Variants in RBM27 observed in about 807,000 individuals in gnomAD.
RBM27 encodes the protein RNA binding motif protein 27.
RBM27 carries 22 observed loss-of-function variants against 135.3 expected under a neutral mutation model. The observed-to-expected ratio is 0.16, with a 90% CI of 0.12 to 0.23. The LOEUF (loss-of-function observed/expected upper bound fraction) is 0.23. Ranked by LOEUF, RBM27 falls within the 10% of genes least tolerant of loss-of-function variation. The pLI, the probability that RBM27 is intolerant of heterozygous loss-of-function variation, is 1.00. For synonymous variants in RBM27, 481 were observed against 442.4 expected (o/e 1.09, Z -1.10); for missense variants, 1,009 against 1,281.0 (o/e 0.79, Z 3.24).
chr5:146,270,561 C>T (rs1581231277), intron 17 of RBM27, among the ~76,000 whole-genome samples: 1 of 152,154 alleles, frequency 6.6e-6, no homozygotes. Context: ...AGAATGTCAA[C>T]AGTTGTGGAT....
Position 146,203,806 on chromosome 5 carries a change from C to T in RBM27, c.41C>T (p.Ala14Val). Residue 14 changes from alanine to valine, a missense_variant, in exon 1 of 21, where the codon GCC (alanine) becomes GTC (valine). Around this residue, in one of 6 missense-constraint regions of RBM27, gnomAD observed 268 missense variants for 326.6 expected, o/e 0.82. Coordinates refer to ENST00000265271, the MANE Select transcript of RBM27 (RefSeq NM_018989.2). ...GTGGATGCCCTCAAGTCCTGGCTGG[C>T]CAAGTTACTGGAGCCGATGTGAGTG... ...EDVDALKSWL[A>V]KLLEPICDAD... The T allele has an allele frequency of 6.4e-7, 1 of 1,550,420 alleles. No individual in the cohort carries two copies. The highest frequency in any genetic ancestry group is 8.7e-7 in the Non-Finnish European group (1 of 1,146,572).
intron 14 of RBM27, among the ~76,000 whole-genome samples, chr5:146,267,270 C>T (rs980412558): frequency 3.3e-5 from 5 of 152,140 alleles, no homozygotes; most frequent in Admixed American, 6.6e-5. Context: ...GGTAAAGAAG[C>T]GGCAGTCATT....
intron 8 of RBM27, among the ~76,000 whole-genome samples, chr5:146,246,864 G>GT (rs1280123997): frequency 0.013 from 1,719 of 135,126 alleles, 13 homozygotes; most frequent in African/African-American, 0.016. Context: ...TAGTGCTGTG[G>GT]TTTTTTTTTT....
rs1554081335 is a variant in RBM27, at chr5:146,249,708, G to GT, written c.1280-2002dup. Among the ~76,000 whole-genome samples, 20 of 131,386 alleles carry GT rather than the reference G, an allele frequency of 1.5e-4. No homozygotes were observed. In the East Asian group the frequency reaches 4.0e-3, roughly 26 times the overall value. The allele number at this position is 131,386 out of a possible 152,430, so 86.2% of individuals were successfully genotyped here. A position where few individuals can be genotyped will look rare whatever the true frequency, so the allele number is the denominator to read the frequency against. ...CAAAAAAAAAAAAAAAAAAGAAAAA[G>GT]TAAAAAAAAAAGAAAAAAAGAAAAT... On this transcript the variant is annotated intron_variant, in intron 8 of 20. Transcript: ENST00000265271.
At chr5:146,210,000 G>A (rs760054905) in intron 1 of RBM27, among the ~76,000 whole-genome samples, 2 of 152,096 alleles carry the variant, frequency 1.3e-5, no homozygotes, top group Non-Finnish European at 2.9e-5. Flanking sequence ...TGTGTTTCTT[G>A]CCACTGTCTT....
In RBM27 at chr5:146,243,073, G is replaced by A. The variant is rs188444291; in HGVS notation, c.1279+5641G>A. Among the ~76,000 whole-genome samples, 479 of 151,942 alleles carry A rather than the reference G, an allele frequency of 3.2e-3. 4 individuals are homozygous for A. Among genetic ancestry groups the A allele is most frequent in the African/African-American group, 0.011 (456 of 41,470 alleles). On this transcript the variant is annotated intron_variant, in intron 8 of 20. Coordinates refer to ENST00000265271, the MANE Select transcript of RBM27 (RefSeq NM_018989.2). The stretch of plus-strand genomic sequence containing the variant: ...CTGAGGTCAGGAGTTTGAGACCAGC[G>A]TGGTCAACATGGTGAAATCGCATCT...
At chr5:146,226,115 G>A (rs1017584277) in intron 3 of RBM27, among the ~76,000 whole-genome samples, 2 of 148,684 alleles carry the variant, frequency 1.3e-5, no homozygotes, top group African/African-American at 5.0e-5. Context: ...TGACCTGTTT[G>A]CCTCGGCCTC....
intron 19 of RBM27, among the ~76,000 whole-genome samples, chr5:146,272,735 A>G (rs995532552): frequency 1.3e-5 from 2 of 152,106 alleles, no homozygotes; most frequent in African/African-American, 4.8e-5. Context: ...AAAAAAAAAA[A>G]AAGTATTAAA....
chr5:146,215,877 A>G (rs1043289123), intron 1 of RBM27, among the ~76,000 whole-genome samples: 3 of 151,702 alleles, frequency 2.0e-5, no homozygotes, highest in Non-Finnish European at 2.9e-5. Flanking sequence ...CAGTCTCCCA[A>G]GTAGCTGGGA....
chr5:146,241,057 A>G (rs1169020445), intron 8 of RBM27, among the ~76,000 whole-genome samples: 2 of 152,164 alleles, frequency 1.3e-5, no homozygotes, highest in Non-Finnish European at 2.9e-5. Context: ...TTGGACTTGT[A>G]AATATGAAAA....
chr5:146,217,220 G>A (rs1756241413), intron 1 of RBM27, among the ~76,000 whole-genome samples: 1 of 152,062 alleles, frequency 6.6e-6, no homozygotes, highest in Admixed American at 6.6e-5. Flanking sequence ...CCCCGCCTTG[G>A]CCTCCCAAAG....
intron 8 of RBM27, 133 bp downstream of exon 8, chr5:146,237,565 A>G (rs1757223477): frequency 9.3e-7 from 1 of 1,079,682 alleles, no homozygotes; most frequent in Non-Finnish European, 1.3e-6. Flanking sequence ...TTGTGTTTAC[A>G]ATACAGTTTA....
At chr5:146,234,914 G>A (rs1010373533) in intron 7 of RBM27, among the ~76,000 whole-genome samples, 3 of 151,826 alleles carry the variant, frequency 2.0e-5, no homozygotes, top group African/African-American at 4.8e-5. Context: ...TGTACCCATA[G>A]TTCCAGCTAC....
rs755022044 is a variant in RBM27 at position 146,269,232 on chromosome 5, T to C, written c.2477T>C (p.Met826Thr). The change falls in exon 16 of 21, where the codon ATG (methionine) becomes ACG (threonine). Residue 826 changes from methionine to threonine, a missense_variant. This residue lies in a region of RBM27 where 355 missense variants were observed against 427.3 expected (regional missense o/e 0.83). Coordinates refer to ENST00000265271, the MANE Select transcript of RBM27 (RefSeq NM_018989.2). ...GAAGCAATGAAGTTACAACAAGATA[T>C]GAGGAAAAAAAGACAGGAAGTGTTA... The part of the protein sequence containing the change: ...KQEAMKLQQD[M>T]RKKRQEVLEK... 5 of 1,607,516 alleles carry C rather than the reference T, an allele frequency of 3.1e-6. No individual in the cohort carries two copies. Among genetic ancestry groups the C allele is most frequent in the Non-Finnish European group, 4.3e-6 (5 of 1,176,112 alleles).
intron 19 of RBM27, among the ~76,000 whole-genome samples, chr5:146,272,141 A>G (rs1237197176): frequency 6.6e-5 from 10 of 152,260 alleles, no homozygotes; most frequent in Non-Finnish European, 1.5e-4. Flanking sequence ...TACTCTTTCC[A>G]GCCACTCATT....
chr5:146,267,623 GC>G, intron 14 of RBM27, 25 bp from the exon 15 acceptor site: 1 of 1,343,944 alleles, frequency 7.4e-7, no homozygotes, highest in Non-Finnish European at 1.0e-6. Context: ...ATTTGTGTGT[GC>G]TTTTTTTTTT....
intron 19 of RBM27, among the ~76,000 whole-genome samples, chr5:146,284,280 A>G (rs1300146296): frequency 6.6e-6 from 1 of 152,176 alleles, no homozygotes; most frequent in Non-Finnish European, 1.5e-5. Context: ...TAGATATCAA[A>G]GCCAAAGGTC....
intron 1 of RBM27, among the ~76,000 whole-genome samples, chr5:146,216,962 C>T (rs930747051): frequency 5.3e-5 from 8 of 151,408 alleles, no homozygotes; most frequent in Non-Finnish European, 1.2e-4. Context: ...CCTTGAGTGA[C>T]TCTCTGTCTA....
intron 15 of RBM27, among the ~76,000 whole-genome samples, chr5:146,268,302 G>A (rs1758709172): frequency 6.6e-6 from 1 of 151,318 alleles, no homozygotes; most frequent in South Asian, 2.1e-4. Flanking sequence ...GAGTGCAATG[G>A]TGTGGTCTTG....
Sources: allele counts gnomAD v4.1 joint callset (sites outside exome capture counted in the v4.1 genomes callset), GRCh38; gene constraint gnomAD v4.1.1; regional missense constraint gnomAD v4.1.1; transcripts MANE v1.5; gene names NCBI Gene and HGNC (gene_info 2026-07-23, HGNC 2026-07-21).